PLEKHA7: variants seen among roughly 807,000 people sequenced by gnomAD.
PLEKHA7 encodes the protein pleckstrin homology domain containing A7.
PLEKHA7 carries 104 observed loss-of-function variants against 170.0 expected under a neutral mutation model. The ratio of observed to expected loss-of-function variants is 0.61; its 90% CI spans 0.52 to 0.72. PLEKHA7 has a LOEUF of 0.72. Ranked by LOEUF, PLEKHA7 falls within the 30% of genes least tolerant of loss-of-function variation. The probability of loss-of-function intolerance (pLI) is 0.00; values close to 1 mark genes in which losing one functional copy is unlikely to be tolerated. For missense variants in PLEKHA7, 1,615 were observed against 1,671.7 expected (o/e 0.97, Z 0.59); for synonymous variants, 648 against 660.8 (o/e 0.98, Z 0.30).
intron 3 of PLEKHA7, among the ~76,000 whole-genome samples, chr11:16,965,150 T>C (rs908789500): frequency 1.4e-5 from 2 of 141,036 alleles, no homozygotes; most frequent in Admixed American, 1.4e-4. Flanking sequence ...CTCTACAAAA[T>C]ATACAAAAAA....
chr11:16,868,679 G>A (rs1173771759), intron 4 of PLEKHA7, among the ~76,000 whole-genome samples: 2 of 152,212 alleles, frequency 1.3e-5, no homozygotes, highest in Admixed American at 1.3e-4. Flanking sequence ...TGGCCAATCA[G>A]TGCCACACAC....
intron 10 of PLEKHA7, among the ~76,000 whole-genome samples, chr11:16,819,754 CAT>C (rs1202726161): frequency 6.6e-6 from 1 of 152,100 alleles, no homozygotes; most frequent in Admixed American, 6.5e-5. Flanking sequence ...AGGTCAAACT[CAT>C]AGAAGAACAG....
In PLEKHA7 at chr11:16,791,102, A is replaced by C. The variant is rs866786567; in HGVS notation, c.2843T>G (p.Ile948Ser). 4 of 1,614,074 alleles carry C rather than the reference A, an allele frequency of 2.5e-6. No individual in the cohort carries two copies. Among genetic ancestry groups the C allele is most frequent in the South Asian group, 2.2e-5 (2 of 91,072 alleles). The stretch of plus-strand genomic sequence containing the variant: ...GAGGCCCCGCACAGATGTGTGCCGG[A>C]TGATGGTGGCCTCTCTTGGCAGAGG... ...VPPLPREATI[I>S]RHTSVRGLKR... The change falls in exon 20 of 27, where the codon ATC becomes AGC. Residue 948 changes from isoleucine to serine, a missense_variant. By Grantham distance (142) the Ile-to-Ser change is moderately radical (BLOSUM62 -2). Transcript: ENST00000531066. The surrounding 1 kb of genome is among the most constrained non-coding windows in gnomAD (Gnocchi z 4.5).
chr11:16,852,487 C>T, intron 6 of PLEKHA7, 132 bp from the exon 7 acceptor site: 1 of 620,128 alleles, frequency 1.6e-6, no homozygotes. Context: ...TACCATTTTA[C>T]TGAACAGCCA....
chr11:16,937,212 C>G (rs1310575644), intron 3 of PLEKHA7, among the ~76,000 whole-genome samples: 1 of 152,208 alleles, frequency 6.6e-6, no homozygotes, highest in Non-Finnish European at 1.5e-5. Context: ...GAAGACACTA[C>G]AAGAATCAGT....
chr11:16,779,724 G>A (rs1035180227), intron 26 of PLEKHA7, among the ~76,000 whole-genome samples: 2 of 152,162 alleles, frequency 1.3e-5, no homozygotes, highest in African/African-American at 4.8e-5. Context: ...GGCACGGGGA[G>A]CACCCAGGAT....
At chr11:16,886,824 C>T (rs1013951758) in intron 3 of PLEKHA7, among the ~76,000 whole-genome samples, 1 of 151,186 alleles carries the variant, frequency 6.6e-6, no homozygotes, top group African/African-American at 2.4e-5. Flanking sequence ...ATTCATTTAA[C>T]AAATATTTGA....
At chr11:16,925,651 C>A (rs1322736946) in intron 3 of PLEKHA7, among the ~76,000 whole-genome samples, 1 of 152,232 alleles carries the variant, frequency 6.6e-6, no homozygotes, top group Non-Finnish European at 1.5e-5. Flanking sequence ...GTCAGCGGCG[C>A]TGGGCTACGG....
At chr11:16,856,194 C>A (rs576133458) in intron 4 of PLEKHA7, among the ~76,000 whole-genome samples, 15 of 152,332 alleles carry the variant, frequency 9.8e-5, no homozygotes, top group Admixed American at 6.5e-4. Context: ...GAAGTCCCCA[C>A]ACTCACTCTC....
intron 6 of PLEKHA7, among the ~76,000 whole-genome samples, chr11:16,853,616 T>G (rs1164906323): frequency 4.6e-5 from 7 of 152,182 alleles, no homozygotes; most frequent in Admixed American, 4.6e-4. Flanking sequence ...TACAAATACT[T>G]CCCTCTCTCT....
chr11:16,979,767 C>T (rs1184755587), intron 3 of PLEKHA7, among the ~76,000 whole-genome samples: 1 of 151,972 alleles, frequency 6.6e-6, no homozygotes, highest in Non-Finnish European at 1.5e-5. Context: ...GTTTCTCTGG[C>T]TAATCTTGAG....
In PLEKHA7 at chr11:16,791,466, G is replaced by A. The variant is rs186826990; in HGVS notation, c.2746-267C>T. 5.9e-5 allele frequency: 36 copies of A among 609,112 alleles called. No homozygotes were observed. In the Admixed American group the frequency reaches 6.9e-4, roughly 12 times the overall value. 37.7% of individuals were successfully genotyped at this position (609,112 alleles called of 1,614,324 possible). ...ACTGTGTCCTGAAACCCAGGACTCA[G>A]GTCTCCTGGGTCCATGCCCTCGGTG... On this transcript the variant is annotated intron_variant, in intron 19 of 26. Transcript: ENST00000531066. This position sits in a 1 kb window ranked among gnomAD's most constrained non-coding sequence, Gnocchi z 4.5.
chr11:16,948,277 A>G (rs900117662), intron 3 of PLEKHA7, among the ~76,000 whole-genome samples: 3 of 152,242 alleles, frequency 2.0e-5, no homozygotes, highest in African/African-American at 4.8e-5. Flanking sequence ...AGTACAGTAA[A>G]TAACAATATA....
At chr11:16,903,047 GC>G (rs1857437048) in intron 3 of PLEKHA7, among the ~76,000 whole-genome samples, 1 of 152,152 alleles carries the variant, frequency 6.6e-6, no homozygotes, top group Admixed American at 6.5e-5. Context: ...TTACTTATGG[GC>G]CATTTTCACA....
intron 3 of PLEKHA7, among the ~76,000 whole-genome samples, chr11:16,901,676 CT>C (rs1207224433): frequency 2.6e-5 from 4 of 152,148 alleles, no homozygotes; most frequent in African/African-American, 9.7e-5. Context: ...CAAGCCCAGC[CT>C]GGACAACATA....
intron 3 of PLEKHA7, among the ~76,000 whole-genome samples, chr11:16,994,118 A>C (rs921352224): frequency 1.3e-5 from 2 of 152,212 alleles, no homozygotes; most frequent in Non-Finnish European, 2.9e-5. Flanking sequence ...ACCTGCCCCT[A>C]GAAGCACCAA....
At chr11:16,849,226 C>G (rs1482807147) in intron 8 of PLEKHA7, among the ~76,000 whole-genome samples, 1 of 152,182 alleles carries the variant, frequency 6.6e-6, no homozygotes, top group Admixed American at 6.5e-5. Context: ...AAATCTAAGA[C>G]AGATTAAAGA....
At chr11:16,824,021 G>C (rs950694822) in intron 10 of PLEKHA7, among the ~76,000 whole-genome samples, 2 of 152,166 alleles carry the variant, frequency 1.3e-5, no homozygotes, top group African/African-American at 4.8e-5. Context: ...GACAAACTTT[G>C]CATGTTCTCA....
chr11:16,817,104 C>G lies in PLEKHA7; in HGVS notation c.1562G>C (p.Trp521Ser). 1 of 1,614,068 alleles carries G rather than the reference C, an allele frequency of 6.2e-7. No homozygotes were observed. Among genetic ancestry groups the G allele is most frequent in the Non-Finnish European group, 8.5e-7 (1 of 1,179,966 alleles). The change falls in exon 11 of 27, where the codon TGG (tryptophan) becomes TCG (serine). Residue 521 changes from tryptophan (W) to serine (S), a missense_variant. Coordinates refer to ENST00000531066, the MANE Select transcript of PLEKHA7 (RefSeq NM_001329630.2). This position sits in a 1 kb window ranked among gnomAD's most constrained non-coding sequence, Gnocchi z 4.4. ...GCGCTGCTGCCACTCGTAGAGCTGC[C>G]ACACGGTGCCATCCCGGTGCGCCCG... ...ERRAHRDGTV[W>S]QLYEWQQRQQ...
Sources: allele counts gnomAD v4.1 joint callset (sites outside exome capture counted in the v4.1 genomes callset), GRCh38; gene constraint gnomAD v4.1.1; non-coding constraint Gnocchi (gnomAD v3.1); transcripts MANE v1.5; gene names NCBI Gene and HGNC (gene_info 2026-07-23, HGNC 2026-07-21).